Variants in ST3GAL3 observed in about 807,000 individuals in gnomAD.
The protein encoded by ST3GAL3 is ST3 beta-galactoside alpha-2,3-sialyltransferase 3, also known as CMP-N-acetylneuraminate-beta-1,4-galactoside alpha-2,3-sialyltransferase.
ST3GAL3 carries 21 observed loss-of-function variants against 50.1 expected under a neutral mutation model. The ratio of observed to expected loss-of-function variants is 0.42; its 90% CI spans 0.30 to 0.60. The LOEUF is 0.60. Ranked by LOEUF, ST3GAL3 falls within the 20% of genes least tolerant of loss-of-function variation. ST3GAL3 has a pLI of 0.19. For synonymous variants in ST3GAL3, 183 were observed against 190.0 expected (o/e 0.96, Z 0.30); for missense variants, 353 against 489.4 (o/e 0.72, Z 2.63).
At chr1:43,771,963 A>G (rs1217196862) in intron 2 of ST3GAL3, 1 of 398,418 alleles carries the variant, frequency 2.5e-6, no homozygotes, top group African/African-American at 2.1e-5. Context: ...TGGAAGTTAA[A>G]AGGAAAAATA....
intron 1 of ST3GAL3, among the ~76,000 whole-genome samples, chr1:43,717,647 A>G (rs1014709068): frequency 1.3e-5 from 2 of 151,300 alleles, no homozygotes; most frequent in Non-Finnish European, 2.9e-5. Flanking sequence ...ACAGGTGCAC[A>G]CCACCATGCC....
chr1:43,825,717 C>A (rs754913325), intron 4 of ST3GAL3, among the ~76,000 whole-genome samples: 115 of 152,174 alleles, frequency 7.6e-4, no homozygotes, highest in Middle Eastern at 3.4e-3. Flanking sequence ...GTGACATAAT[C>A]AGTTTTGACC....
Position 43,899,773 on chromosome 1 carries a change from C to A in ST3GAL3, c.744+46C>A. On this transcript the variant is annotated intron_variant, in intron 9 of 11. Coordinates refer to ENST00000347631, the MANE Select transcript of ST3GAL3 (RefSeq NM_006279.5). The surrounding 1 kb of genome is among the most constrained non-coding windows in gnomAD (Gnocchi z 5.4). ...CTTCTTCCCCTCTTGCCCTGGGCTT[C>A]CGCAACTCCTAAGCAATCCCGCCCC... 6.4e-7 allele frequency: 1 copy of A among 1,567,050 alleles called. No homozygotes were observed. Among genetic ancestry groups the A allele is most frequent in the Admixed American group, 1.7e-5 (1 of 59,676 alleles).
intron 5 of ST3GAL3, among the ~76,000 whole-genome samples, chr1:43,887,252 T>C (rs1192308516): frequency 1.3e-5 from 2 of 152,106 alleles, no homozygotes; most frequent in African/African-American, 4.8e-5. Flanking sequence ...GCCCCTCAAG[T>C]ATAAAAGGTA....
intron 3 of ST3GAL3, among the ~76,000 whole-genome samples, chr1:43,811,607 C>G (rs2060569517): frequency 6.6e-6 from 1 of 152,200 alleles, no homozygotes; most frequent in Non-Finnish European, 1.5e-5. Context: ...ACAACAGCTC[C>G]TTCATGCATT....
intron 5 of ST3GAL3, chr1:43,879,471 A>T: frequency 2.2e-6 from 1 of 455,366 alleles, no homozygotes; most frequent in Admixed American, 2.4e-5. Flanking sequence ...TGGTCCAGAA[A>T]TGATTATTTG....
intron 3 of ST3GAL3, among the ~76,000 whole-genome samples, chr1:43,809,034 G>T (rs917898567): frequency 6.6e-6 from 1 of 152,094 alleles, no homozygotes; most frequent in Admixed American, 6.6e-5. Flanking sequence ...AATACTTAAG[G>T]AATGCACAGG....
At chr1:43,895,840 G>T (rs1181412212) in intron 6 of ST3GAL3, among the ~76,000 whole-genome samples, 1 of 152,172 alleles carries the variant, frequency 6.6e-6, no homozygotes, top group Non-Finnish European at 1.5e-5. Flanking sequence ...AGATGGGATA[G>T]CTACAAAGGC....
rs1553397302 is a variant in ST3GAL3, at chr1:43,857,568, T to TCTCC, written c.302+19257_302+19258insCTCC. 8.7e-5 allele frequency among the ~76,000 whole-genome samples: 3 copies of TCTCC among 34,432 alleles called. 1 individual carries two copies. The highest frequency in any genetic ancestry group is 2.6e-4 in the Non-Finnish European group (3 of 11,698). 22.6% of individuals were successfully genotyped at this position (34,432 alleles called of 152,430 possible). On this transcript the variant is annotated intron_variant, in intron 5 of 11. Transcript: ENST00000347631. ...CTCCCTTCCTTCCTTTCCTTCCTTC[T>TCTCC]TTCTTTCCTTCCTCCCTCCCTTCCT...
chr1:43,838,445 T>C, intron 5 of ST3GAL3, 134 bp downstream of exon 5: 1 of 843,324 alleles, frequency 1.2e-6, no homozygotes. Flanking sequence ...GACTCTGCCT[T>C]TAAGTTGGTT....
At chr1:43,711,376 A>G (rs1442810009) in intron 1 of ST3GAL3, among the ~76,000 whole-genome samples, 2 of 152,280 alleles carry the variant, frequency 1.3e-5, no homozygotes, top group African/African-American at 4.8e-5. Flanking sequence ...GGCACATGCC[A>G]CTTTCATTCA....
At chr1:43,802,593 G>A (rs1261538695) in intron 3 of ST3GAL3, among the ~76,000 whole-genome samples, 2 of 152,228 alleles carry the variant, frequency 1.3e-5, no homozygotes, top group Non-Finnish European at 2.9e-5. Context: ...ACCTGGAGCT[G>A]TGCTCCCCTG....
chr1:43,813,966 T>A (rs2060933560), intron 3 of ST3GAL3, among the ~76,000 whole-genome samples: 1 of 150,226 alleles, frequency 6.7e-6, no homozygotes, highest in South Asian at 2.1e-4. Flanking sequence ...TAAGAAATAA[T>A]CCCATGACAC....
rs147056075 is a variant in ST3GAL3, at chr1:43,713,284, C to G, written c.-31+5591C>G. 1.3e-4 allele frequency among the ~76,000 whole-genome samples: 20 copies of G among 152,246 alleles called. No individual in the cohort carries two copies. In the South Asian group the frequency reaches 4.2e-3, roughly 32 times the overall value. On this transcript the variant is annotated intron_variant, in intron 1 of 11. Transcript: ENST00000347631. ...TTGGATAGGCTTCAGAATGTCATGTCTTCTTGGTTTTCAAATTTGGAAAAT... is the reference window on the plus strand; with the variant it reads ...TTGGATAGGCTTCAGAATGTCATGTGTTCTTGGTTTTCAAATTTGGAAAAT...
At chr1:43,774,854 A>G (rs1263994988) in intron 2 of ST3GAL3, among the ~76,000 whole-genome samples, 2 of 152,204 alleles carry the variant, frequency 1.3e-5, no homozygotes, top group East Asian at 1.9e-4. Flanking sequence ...TGGAAAAGAC[A>G]TTATGTGTCA....
intron 1 of ST3GAL3, chr1:43,727,258 G>A (rs1409875754): frequency 1.3e-5 from 2 of 151,272 alleles, no homozygotes; most frequent in East Asian, 3.9e-4. Flanking sequence ...CCCCAGCCTT[G>A]GAGTCAGCCA....
chr1:43,857,608 C>T (rs1161613092), intron 5 of ST3GAL3, among the ~76,000 whole-genome samples: 1 of 139,714 alleles, frequency 7.2e-6, no homozygotes, highest in African/African-American at 2.6e-5. Context: ...TCCTTCCTTC[C>T]TTCCTTCCTT....
chr1:43,759,980 A>G (rs967602008), intron 2 of ST3GAL3, among the ~76,000 whole-genome samples: 6 of 152,204 alleles, frequency 3.9e-5, no homozygotes, highest in Admixed American at 3.3e-4. Context: ...AATGGGAAAA[A>G]TACGCATAAA....
rs549276829 is a variant in ST3GAL3, at chr1:43,714,553, C to T, written c.-31+6860C>T. Reference sequence around the variant, plus strand: ...CTGGGAGGCGGAGGTTGCAGTGAGCCGAGATCACGCCACTGCATTCCACCC... The same window carrying T: ...CTGGGAGGCGGAGGTTGCAGTGAGCTGAGATCACGCCACTGCATTCCACCC... On this transcript the variant is annotated intron_variant, in intron 1 of 11. Transcript: ENST00000347631. Among the ~76,000 whole-genome samples, 139 of 152,098 alleles carry T rather than the reference C, an allele frequency of 9.1e-4. 1 individual carries two copies. In the Middle Eastern group the frequency reaches 0.014, roughly 15 times the overall value.
Sources: allele counts gnomAD v4.1 joint callset (sites outside exome capture counted in the v4.1 genomes callset), GRCh38; gene constraint gnomAD v4.1.1; non-coding constraint Gnocchi (gnomAD v3.1); transcripts MANE v1.5; gene names NCBI Gene and HGNC (gene_info 2026-07-23, HGNC 2026-07-21).